The following PDZD2 variants were observed in gnomAD, a reference collection of about 807,000 sequenced individuals.
PDZD2 encodes PDZ domain-containing protein 2.
PDZD2 carries 90 observed loss-of-function variants against 220.7 expected under a neutral mutation model. The observed-to-expected ratio is 0.41, with a 90% CI of 0.34 to 0.49. The LOEUF is 0.49. Among genes scored for constraint, PDZD2 ranks in the 20% least tolerant of loss-of-function variants. The probability of loss-of-function intolerance (pLI) is 0.28; values close to 1 mark genes in which losing one functional copy is unlikely to be tolerated. For missense variants in PDZD2, 3,174 were observed against 3,608.5 expected (o/e 0.88, Z 3.08); for synonymous variants, 1,375 against 1,450.5 (o/e 0.95, Z 1.18).
chr5:31,821,897 G>C (rs7722843), intron 2 of PDZD2, among the ~76,000 whole-genome samples: 3 of 148,138 alleles, frequency 2.0e-5, no homozygotes, highest in Non-Finnish European at 3.0e-5. Context: ...CCCTGTGTCC[G>C]TGTGTTCTCA....
intron 15 of PDZD2, among the ~76,000 whole-genome samples, chr5:32,070,157 A>G (rs1392219879): frequency 1.3e-5 from 2 of 152,198 alleles, no homozygotes; most frequent in African/African-American, 4.8e-5. Context: ...AATATGAAAC[A>G]TATCAAGTCT....
chr5:31,742,619 T>C lies in PDZD2; in HGVS notation c.-360-56270T>C, dbSNP rs1750338424. ...ACAGCTGAGGCTGTGGATTCAGAGCTTCCTGCCCTGAGTCTCTGCTCTAGC... is the reference window on the plus strand; with the variant it reads ...ACAGCTGAGGCTGTGGATTCAGAGCCTCCTGCCCTGAGTCTCTGCTCTAGC... On this transcript the variant is annotated intron_variant, in intron 1 of 24. Coordinates refer to ENST00000438447, the MANE Select transcript of PDZD2 (RefSeq NM_178140.4). 2.0e-5 allele frequency among the ~76,000 whole-genome samples: 3 copies of C among 148,848 alleles called. No individual in the cohort carries two copies. In the South Asian group the frequency reaches 6.6e-4, roughly 32 times the overall value.
intron 1 of PDZD2, among the ~76,000 whole-genome samples, chr5:31,794,597 G>C (rs926272704): frequency 6.6e-6 from 1 of 151,744 alleles, no homozygotes; most frequent in Admixed American, 6.6e-5. Context: ...TAGAGATCAG[G>C]GGTTTCACCA....
chr5:31,836,969 G>A (rs1470270523), intron 2 of PDZD2, among the ~76,000 whole-genome samples: 2 of 151,908 alleles, frequency 1.3e-5, no homozygotes, highest in African/African-American at 4.8e-5. Flanking sequence ...AGTGAGCCAA[G>A]ATCACGCCAT....
chr5:31,968,250 C>T (rs1396485089), intron 2 of PDZD2, among the ~76,000 whole-genome samples: 2 of 152,100 alleles, frequency 1.3e-5, no homozygotes, highest in African/African-American at 4.8e-5. Flanking sequence ...CCCATCTACT[C>T]GGGTGGTTGA....
intron 24 of PDZD2, among the ~76,000 whole-genome samples, chr5:32,104,714 T>A (rs1581509967): frequency 2.1e-4 from 8 of 38,390 alleles, no homozygotes; most frequent in South Asian, 1.1e-3. Flanking sequence ...GAAGGCTCCA[T>A]CTAAAAAAAA....
chr5:31,936,375 G>A, intron 2 of PDZD2: 1 of 983,308 alleles, frequency 1.0e-6, no homozygotes, highest in Non-Finnish European at 1.2e-6. Context: ...GTGGTGAAGA[G>A]AATCACATTT....
At chr5:31,854,406 G>A (rs1165253274) in intron 2 of PDZD2, among the ~76,000 whole-genome samples, 1 of 152,202 alleles carries the variant, frequency 6.6e-6, no homozygotes, top group Non-Finnish European at 1.5e-5. Flanking sequence ...ACCGGCGATT[G>A]TAATTCAGCG....
At chr5:31,827,139 G>A (rs1053026745) in intron 2 of PDZD2, among the ~76,000 whole-genome samples, 1 of 152,174 alleles carries the variant, frequency 6.6e-6, no homozygotes, top group Non-Finnish European at 1.5e-5. Context: ...CCACTATGGA[G>A]GGGTGAACCG....
chr5:31,735,979 A>T (rs769113580), intron 1 of PDZD2, among the ~76,000 whole-genome samples: 3 of 151,906 alleles, frequency 2.0e-5, no homozygotes, highest in Non-Finnish European at 4.4e-5. Flanking sequence ...ACTCCAAATT[A>T]TATAGAGCAC....
At chr5:31,941,181 A>G (rs1056928408) in intron 2 of PDZD2, among the ~76,000 whole-genome samples, 4 of 152,180 alleles carry the variant, frequency 2.6e-5, no homozygotes, top group Admixed American at 2.0e-4. Context: ...CCCTTTGGCA[A>G]AAGTGTTCAT....
At chr5:32,068,887 G>A (rs1256656028) in intron 14 of PDZD2, among the ~76,000 whole-genome samples, 1 of 152,006 alleles carries the variant, frequency 6.6e-6, no homozygotes. Flanking sequence ...TGTAAATGTG[G>A]CAAAATGTTA....
At chr5:31,746,849 G>C (rs1750631770) in intron 1 of PDZD2, among the ~76,000 whole-genome samples, 1 of 152,222 alleles carries the variant, frequency 6.6e-6, no homozygotes, top group South Asian at 2.1e-4. Context: ...AGGTTAACAA[G>C]AGAAAAGCAT....
intron 1 of PDZD2, among the ~76,000 whole-genome samples, chr5:31,723,073 T>C (rs976437073): frequency 9.2e-5 from 14 of 152,224 alleles, no homozygotes; most frequent in Non-Finnish European, 1.5e-4. Flanking sequence ...AATGATTGCA[T>C]AGCAGAACAT....
At chr5:31,914,488 A>G (rs1743503416) in intron 2 of PDZD2, among the ~76,000 whole-genome samples, 1 of 152,148 alleles carries the variant, frequency 6.6e-6, no homozygotes, top group African/African-American at 2.4e-5. Flanking sequence ...AGATTGCACC[A>G]CTGCACTCCA....
intron 2 of PDZD2, among the ~76,000 whole-genome samples, chr5:31,910,217 A>ATTTTTTTTTTTTTTTTTTTTT (rs70957978): frequency 9.4e-6 from 1 of 106,842 alleles, no homozygotes; most frequent in Non-Finnish European, 1.8e-5. Context: ...GAGTTCCTGC[A>ATTTTTTTTTTTTTTTTTTTTT]TTTTTTTTTT....
chr5:32,072,079 T>A lies in PDZD2; in HGVS notation c.2569-82T>A, dbSNP rs1052726441. On this transcript the variant is annotated intron_variant, in intron 16 of 24. Transcript: ENST00000438447. ...GACCGTTGATTAGAACGAAGTGTTC[T>A]TGGAAAGATAGGACGTAATAACCCT... 8.2e-6 allele frequency: 8 copies of A among 978,744 alleles called. No individual in the cohort carries two copies. In the Admixed American group the frequency reaches 1.7e-4, roughly 21 times the overall value. 60.6% of individuals were successfully genotyped at this position (978,744 alleles called of 1,614,324 possible).
intron 1 of PDZD2, among the ~76,000 whole-genome samples, chr5:31,700,799 A>G (rs1005985031): frequency 4.4e-4 from 67 of 152,220 alleles, no homozygotes; most frequent in African/African-American, 1.6e-3. Flanking sequence ...TTAGCATAGG[A>G]GGGTCCCACA....
chr5:31,942,689 TTGTAAACA>T (rs1303684459), intron 2 of PDZD2, among the ~76,000 whole-genome samples: 3 of 152,104 alleles, frequency 2.0e-5, no homozygotes, highest in Non-Finnish European at 4.4e-5. Flanking sequence ...GCCTTCTCTT[TTGTAAACA>T]TGTGGTCCAA....
Sources: allele counts gnomAD v4.1 joint callset (sites outside exome capture counted in the v4.1 genomes callset), GRCh38; gene constraint gnomAD v4.1.1; transcripts MANE v1.5; gene names NCBI Gene and HGNC (gene_info 2026-07-23, HGNC 2026-07-21).